The following PIK3C2G variants were observed in gnomAD, a reference collection of about 807,000 sequenced individuals.
The protein encoded by PIK3C2G is phosphatidylinositol 3-kinase C2 domain-containing subunit gamma.
Under a neutral mutation model 181.1 loss-of-function variants are expected in PIK3C2G, and 168 were observed. The observed-to-expected ratio is 0.93, with a 90% CI of 0.82 to 1.05. PIK3C2G has a LOEUF of 1.05. Ranked by LOEUF, PIK3C2G falls within the 50% of genes least tolerant of loss-of-function variation. The pLI is 0.00. For missense variants in PIK3C2G, 1,869 were observed against 1,732.8 expected (o/e 1.08, Z -1.40); for synonymous variants, 573 against 592.2 (o/e 0.97, Z 0.47).
the PIK3C2G span, among the ~76,000 whole-genome samples, chr12:18,654,957 C>G: frequency 6.6e-6 from 1 of 151,730 alleles, no homozygotes; most frequent in African/African-American, 2.4e-5. Flanking sequence ...AATGTTATCC[C>G]TATGTGAAAT....
chr12:18,559,805 TATATATATATATATATAGAG>T (rs1193520906), intron 26 of PIK3C2G, among the ~76,000 whole-genome samples: 58 of 45,858 alleles, frequency 1.3e-3, no homozygotes, highest in Middle Eastern at 0.013. Context: ...TATATATATA[TATATATATATATATATAGAG>T]AGAGAGAGAG....
At chr12:18,420,550 C>A (rs1230396265) in intron 16 of PIK3C2G, among the ~76,000 whole-genome samples, 1 of 152,032 alleles carries the variant, frequency 6.6e-6, no homozygotes, top group African/African-American at 2.4e-5. Context: ...AATATTAGAT[C>A]ACATTTTGAA....
At chr12:18,388,596 C>T (rs1440775830) in intron 14 of PIK3C2G, among the ~76,000 whole-genome samples, 1 of 152,314 alleles carries the variant, frequency 6.6e-6, no homozygotes, top group South Asian at 2.1e-4. Context: ...TAATACCAAC[C>T]TACGCACAGT....
intron 29 of PIK3C2G, among the ~76,000 whole-genome samples, chr12:18,582,218 G>A (rs1946535132): frequency 6.6e-6 from 1 of 152,066 alleles, no homozygotes; most frequent in Non-Finnish European, 1.5e-5. Context: ...CACACATTGG[G>A]ATTCATCAAG....
At chr12:18,629,925 T>G (rs537190457) in intron 31 of PIK3C2G, among the ~76,000 whole-genome samples, 1 of 152,282 alleles carries the variant, frequency 6.6e-6, no homozygotes, top group Admixed American at 6.5e-5. Flanking sequence ...TTATATTACA[T>G]TACAAATGAT....
intron 15 of PIK3C2G, among the ~76,000 whole-genome samples, chr12:18,396,962 T>C (rs1298877193): frequency 6.6e-6 from 1 of 151,880 alleles, no homozygotes; most frequent in South Asian, 2.1e-4. Context: ...CCTAGAATAG[T>C]CAAAGCAATC....
chr12:18,657,266 A>G, the PIK3C2G span, among the ~76,000 whole-genome samples: 1 of 152,264 alleles, frequency 6.6e-6, no homozygotes, highest in Admixed American at 6.5e-5. Flanking sequence ...CTGGGAAATG[A>G]GATGTTTTGG....
chr12:18,279,461 C>G (rs1279365883), intron 1 of PIK3C2G, among the ~76,000 whole-genome samples: 3 of 151,888 alleles, frequency 2.0e-5, no homozygotes, highest in African/African-American at 7.2e-5. Flanking sequence ...TAAAGACCTT[C>G]CTGTGGCTCC....
chr12:18,533,415 A>AT lies in PIK3C2G; in HGVS notation c.3324-4732dup, dbSNP rs199701163. On this transcript the variant is annotated intron_variant, in intron 24 of 32. Coordinates refer to ENST00000538779, the MANE Select transcript of PIK3C2G (RefSeq NM_001288772.2). ...TTCTAATTATCGTGAAATCCTATTG[A>AT]TTTTTTTTTCTCTGAAATATGCTTT... 7.1e-3 allele frequency among the ~76,000 whole-genome samples: 1,068 copies of AT among 151,136 alleles called. 3 individuals carry two copies. Among genetic ancestry groups the AT allele is most frequent in the Middle Eastern group, 0.01 (3 of 292 alleles).
intron 29 of PIK3C2G, among the ~76,000 whole-genome samples, chr12:18,591,863 T>C (rs17419409): frequency 0.12 from 17,739 of 151,786 alleles, 1,432 homozygotes; most frequent in Non-Finnish European, 0.18. Flanking sequence ...TAGATGAGAA[T>C]TGATGATGTT....
At chr12:18,399,209 A>T (rs1052011779) in intron 15 of PIK3C2G, among the ~76,000 whole-genome samples, 11 of 150,702 alleles carry the variant, frequency 7.3e-5, no homozygotes, top group East Asian at 1.9e-4. Flanking sequence ...AAAAAAAAAA[A>T]ATATGCCATT....
At chr12:18,591,131 A>G (rs1324708699) in intron 29 of PIK3C2G, among the ~76,000 whole-genome samples, 1 of 151,950 alleles carries the variant, frequency 6.6e-6, no homozygotes, top group African/African-American at 2.4e-5. Context: ...TGACTCTGTC[A>G]TCTCCTTGAA....
At chr12:18,418,001 T>C (rs1426378340) in intron 16 of PIK3C2G, among the ~76,000 whole-genome samples, 1 of 152,190 alleles carries the variant, frequency 6.6e-6, no homozygotes, top group Non-Finnish European at 1.5e-5. Context: ...GGAAATAAAA[T>C]TGACTTTATA....
intron 18 of PIK3C2G, among the ~76,000 whole-genome samples, chr12:18,427,375 C>T (rs962858151): frequency 4.6e-5 from 7 of 150,740 alleles, no homozygotes; most frequent in East Asian, 2.0e-4. Context: ...GGCCTGGTGG[C>T]GGGCGCCTGT....
At chr12:18,398,813 T>C (rs920120821) in intron 15 of PIK3C2G, among the ~76,000 whole-genome samples, 3 of 152,244 alleles carry the variant, frequency 2.0e-5, no homozygotes, top group Non-Finnish European at 2.9e-5. Flanking sequence ...CAGGGATGAA[T>C]TGAGATCTTT....
intron 1 of PIK3C2G, among the ~76,000 whole-genome samples, chr12:18,280,011 T>C (rs1273897066): frequency 1.3e-5 from 2 of 152,008 alleles, no homozygotes; most frequent in African/African-American, 4.8e-5. Flanking sequence ...CAACAAAAGA[T>C]TGATAGAGAA....
At chr12:18,363,713 A>G (rs999825652) in intron 12 of PIK3C2G, among the ~76,000 whole-genome samples, 6 of 152,042 alleles carry the variant, frequency 3.9e-5, no homozygotes, top group Non-Finnish European at 8.8e-5. Flanking sequence ...GACTCCCGGT[A>G]TGATGCTTTT....
At chr12:18,252,427 A>G (rs1432993707) in intron 1 of PIK3C2G, among the ~76,000 whole-genome samples, 3 of 152,224 alleles carry the variant, frequency 2.0e-5, no homozygotes, top group Non-Finnish European at 4.4e-5. Flanking sequence ...TTCCTCACCT[A>G]TCACAAGGCT....
At chr12:18,322,037 G>A (rs761643943) in intron 7 of PIK3C2G, among the ~76,000 whole-genome samples, 3 of 152,090 alleles carry the variant, frequency 2.0e-5, no homozygotes, top group Admixed American at 1.3e-4. Flanking sequence ...CATTGCGCAC[G>A]TTTACCTATG....
Sources: allele counts gnomAD v4.1 joint callset (sites outside exome capture counted in the v4.1 genomes callset), GRCh38; gene constraint gnomAD v4.1.1; transcripts MANE v1.5; gene names NCBI Gene and HGNC (gene_info 2026-07-23, HGNC 2026-07-21).